The following KLHDC4 variants were observed in gnomAD, a reference collection of about 807,000 sequenced individuals.
KLHDC4 encodes kelch domain-containing protein 4.
In KLHDC4, 90 loss-of-function variants were observed where a neutral mutation model predicts 62.4. The ratio of observed to expected loss-of-function variants is 1.44; its 90% CI spans 1.22 to 1.72. The LOEUF (loss-of-function observed/expected upper bound fraction) is 1.72, where lower values mean the gene tolerates loss of function less well. Ranked by LOEUF, KLHDC4 falls within the 40% of genes most tolerant of loss-of-function variation. The pLI is 0.00. For missense variants in KLHDC4, 1,025 were observed against 699.7 expected, an observed-to-expected ratio of 1.47 and a Z score of -5.25; for synonymous variants, 386 against 284.4, an observed-to-expected ratio of 1.36 and a Z score of -3.59.
intron 2 of KLHDC4, among the ~76,000 whole-genome samples, chr16:87,760,962 G>T (rs1567839862): frequency 6.6e-6 from 1 of 152,086 alleles, no homozygotes; most frequent in Non-Finnish European, 1.5e-5. Context: ...GAACCTGGGA[G>T]GCAGAGGTTG....
downstream of KLHDC4, among the ~76,000 whole-genome samples, chr16:87,706,840 C>G (rs145282449): frequency 4.4e-3 from 672 of 152,306 alleles, 1 homozygote; most frequent in African/African-American, 0.015. Flanking sequence ...CCTGGGCCCA[C>G]CTGGAGCCGT....
chr16:87,730,447 G>C, intron 6 of KLHDC4, 105 bp downstream of exon 6: 1 of 949,348 alleles, frequency 1.1e-6, no homozygotes, highest in Non-Finnish European at 1.6e-6. Flanking sequence ...AGCTGGATTT[G>C]GGAGGATGGG....
chr16:87,753,600 A>G (rs181762782), intron 4 of KLHDC4, among the ~76,000 whole-genome samples: 5 of 150,916 alleles, frequency 3.3e-5, no homozygotes, highest in East Asian at 1.9e-4. Flanking sequence ...AGGAGTTCGA[A>G]ACCAGCCTGG....
chr16:87,725,746 G>A (rs2142999798), intron 7 of KLHDC4, among the ~76,000 whole-genome samples: 1 of 152,278 alleles, frequency 6.6e-6, no homozygotes, highest in Non-Finnish European at 1.5e-5. Flanking sequence ...AGGCACATGT[G>A]AGGAGCACAC....
exon 1 of KLHDC4, chr16:87,702,313 C>T (rs1175879437): frequency 2.2e-6 from 1 of 456,204 alleles, no homozygotes; most frequent in Non-Finnish European, 4.4e-6. Flanking sequence ...CGGGGGCTCC[C>T]AGGCCCTGGG....
rs146256092 is a variant in KLHDC4 at position 87,711,271 on chromosome 16, G to A, written c.1008C>T (p.Asp336=). ...CCTCAAACCAACGGTTCCTGGTGGC[G>A]TCGTAGAAGTACAGATCGTTGAAGA... The part of the protein sequence containing the change: ...GEFFNDLYFY[D]ATRNRWFEGQ... Residue 336 remains aspartate (D), a synonymous_variant, in exon 9 of 12, where the codon GAC becomes GAT. Transcript: ENST00000270583. 87 of 1,614,146 alleles carry A rather than the reference G, an allele frequency of 5.4e-5. No individual in the cohort carries two copies. The highest frequency in any genetic ancestry group is 3.3e-4 in the Middle Eastern group (2 of 6,062).
At chr16:87,730,824 C>A (rs987902292) in intron 5 of KLHDC4, 180 bp from the exon 6 acceptor site, 3 of 545,450 alleles carry the variant, frequency 5.5e-6, no homozygotes, top group African/African-American at 3.9e-5. Context: ...CTGCTAAGAG[C>A]CCAGCTAGCT....
chr16:87,737,659 C>A (rs1378235778), intron 5 of KLHDC4, among the ~76,000 whole-genome samples: 3 of 150,772 alleles, frequency 2.0e-5, no homozygotes, highest in African/African-American at 7.4e-5. Flanking sequence ...ACGATCTCAG[C>A]TCACTGCTAC....
intron 5 of KLHDC4, among the ~76,000 whole-genome samples, chr16:87,745,665 G>A (rs1474352719): frequency 6.6e-6 from 1 of 152,192 alleles, no homozygotes; most frequent in Non-Finnish European, 1.5e-5. Context: ...CACTCGCACT[G>A]AAGGTCTTCA....
intron 1 of KLHDC4, among the ~76,000 whole-genome samples, chr16:87,762,494 G>C (rs568159523): frequency 6.6e-6 from 1 of 152,334 alleles, no homozygotes; most frequent in East Asian, 1.9e-4. Context: ...GGCCTGGGCC[G>C]TCACGCCTGC....
intron 1 of KLHDC4, among the ~76,000 whole-genome samples, chr16:87,763,045 G>A (rs1275608123): frequency 6.6e-6 from 1 of 152,072 alleles, no homozygotes; most frequent in Non-Finnish European, 1.5e-5. Flanking sequence ...CTCATCTCAG[G>A]GTGAATGTCA....
In KLHDC4 at chr16:87,756,387, T is replaced by C. The variant is rs759592717; in HGVS notation, c.270+12A>G. 1.3e-5 allele frequency: 21 copies of C among 1,592,302 alleles called. No individual in the cohort carries two copies. In the South Asian group the frequency reaches 2.1e-4, roughly 16 times the overall value. ...GCAACATGGGAAGAAAAGAAAAAAA[T>C]ATATACTTTACTTTTTGGCCGTTGA... On this transcript the variant is annotated intron_variant, in intron 3 of 11. Transcript: ENST00000270583.
chr16:87,703,877 G>C (rs1441380710), downstream of KLHDC4, among the ~76,000 whole-genome samples: 1 of 152,240 alleles, frequency 6.6e-6, no homozygotes, highest in Non-Finnish European at 1.5e-5. Flanking sequence ...TCGTGAAAGA[G>C]TAATGGAGGT....
At chr16:87,714,385 CGGGCAGGGTGCAGGGGCTCA>C in intron 8 of KLHDC4, 93 bp downstream of exon 8, 8 of 1,426,510 alleles carry the variant, frequency 5.6e-6, no homozygotes, top group East Asian at 2.8e-5. Context: ...CCCTCCGCTC[CGGGCAGGGTGCAGGGGCTCA>C]CCGCCAGCCC....
chr16:87,759,087 G>C (rs1320965192), intron 2 of KLHDC4, among the ~76,000 whole-genome samples: 5 of 152,098 alleles, frequency 3.3e-5, no homozygotes, highest in Non-Finnish European at 7.4e-5. Flanking sequence ...AGGAAGAATT[G>C]CTTGAACCTG....
intron 1 of KLHDC4, 48 bp from the exon 2 acceptor site, chr16:87,762,088 C>G (rs1218886556): frequency 6.2e-7 from 1 of 1,601,438 alleles, no homozygotes; most frequent in Non-Finnish European, 8.5e-7. Context: ...CAGGACCCGC[C>G]GCGGAGCCAC....
At chr16:87,708,552 G>C in intron 10 of KLHDC4, 86 bp from the exon 11 acceptor site, 3 of 881,730 alleles carry the variant, frequency 3.4e-6, no homozygotes, top group East Asian at 2.7e-5. Context: ...CTACGTCCTG[G>C]GGGGATTCCA....
intron 5 of KLHDC4, among the ~76,000 whole-genome samples, chr16:87,746,397 GAGAA>G (rs1327420795): frequency 6.6e-6 from 1 of 151,970 alleles, no homozygotes; most frequent in Non-Finnish European, 1.5e-5. Flanking sequence ...GAGACAGAGA[GAGAA>G]AGAGAGTGAG....
chr16:87,705,616 A>C (rs1331910574), downstream of KLHDC4, among the ~76,000 whole-genome samples: 2 of 152,252 alleles, frequency 1.3e-5, no homozygotes, highest in East Asian at 3.8e-4. Flanking sequence ...AATCCCACCT[A>C]ATCAGTTACA....
Sources: allele counts gnomAD v4.1 joint callset (sites outside exome capture counted in the v4.1 genomes callset), GRCh38; gene constraint gnomAD v4.1.1; transcripts MANE v1.5; gene names NCBI Gene and HGNC (gene_info 2026-07-23, HGNC 2026-07-21).